LRRIQ3: variants seen among roughly 807,000 people sequenced by gnomAD.
LRRIQ3 encodes the protein leucine rich repeats and IQ motif containing 3.
Under a neutral mutation model 59.3 loss-of-function variants are expected in LRRIQ3, and 75 were observed. The observed-to-expected ratio is 1.26, with a 90% CI of 1.05 to 1.53. The LOEUF (loss-of-function observed/expected upper bound fraction) is 1.53, where lower values mean the gene tolerates loss of function less well. Among genes scored for constraint, LRRIQ3 ranks in the 40% most tolerant of loss-of-function variants. The pLI is 0.00. For synonymous variants in LRRIQ3, 250 were observed against 231.3 expected (o/e 1.08, Z -0.73); for missense variants, 831 against 710.0 (o/e 1.17, Z -1.94).
At chr1:74,100,161 T>A (rs1570111970) in intron 5 of LRRIQ3, among the ~76,000 whole-genome samples, 1 of 152,126 alleles carries the variant, frequency 6.6e-6, no homozygotes, top group Non-Finnish European at 1.5e-5. Context: ...GAAAACCCCA[T>A]CGTCTCAGCC....
rs1648208932 is a variant in LRRIQ3 at position 74,154,612 on chromosome 1, C to T, written c.707+1121G>A. On this transcript the variant is annotated intron_variant, in intron 4 of 7. Transcript: ENST00000354431. Reference sequence around the variant, plus strand: ...AGCGTCAGTGAGAACCTTCATTCTACCAGAGAAAAAAATCCCTGGGAAATA... The same window carrying T: ...AGCGTCAGTGAGAACCTTCATTCTATCAGAGAAAAAAATCCCTGGGAAATA... 2.6e-5 allele frequency among the ~76,000 whole-genome samples: 4 copies of T among 151,986 alleles called. No individual in the cohort carries two copies. In the South Asian group the frequency reaches 8.3e-4, roughly 31 times the overall value.
intron 6 of LRRIQ3, among the ~76,000 whole-genome samples, chr1:74,055,237 G>C (rs1654497191): frequency 6.7e-6 from 1 of 148,250 alleles, no homozygotes; most frequent in South Asian, 2.1e-4. Context: ...TAAAGGGTAT[G>C]ATTCAGTGTT....
At position 74,038,071 on chromosome 1, in the gene LRRIQ3, G is replaced by A. The variant is rs574284947; in HGVS notation, c.1718+3142C>T. 9.2e-5 allele frequency among the ~76,000 whole-genome samples: 14 copies of A among 152,306 alleles called. No individual in the cohort carries two copies. In the South Asian group the frequency reaches 1.9e-3, roughly 20 times the overall value. ...GCCTAACACATTAAGCTCCCAGGGC[G>A]GGTATGGGGCAGCAGCCATCTCTAT... On this transcript the variant is annotated intron_variant, in intron 7 of 7. Transcript: ENST00000354431.
intron 1 of LRRIQ3, among the ~76,000 whole-genome samples, chr1:74,188,351 A>T (rs2100736774): frequency 6.6e-6 from 1 of 152,286 alleles, no homozygotes; most frequent in South Asian, 2.1e-4. Flanking sequence ...AATCAATTGT[A>T]CAACAAATTA....
intron 4 of LRRIQ3, among the ~76,000 whole-genome samples, chr1:74,142,729 T>A (rs1647315047): frequency 6.6e-6 from 1 of 151,990 alleles, no homozygotes; most frequent in Non-Finnish European, 1.5e-5. Context: ...ACAGAGGCGA[T>A]CATGCTGTTA....
chr1:74,027,808 C>A (rs1653565345), intron 7 of LRRIQ3, among the ~76,000 whole-genome samples: 1 of 151,896 alleles, frequency 6.6e-6, no homozygotes, highest in Non-Finnish European at 1.5e-5. Context: ...GATGTAACTA[C>A]ATGAAGCTTA....
At position 74,122,132 on chromosome 1, in the gene LRRIQ3, A is replaced by C. The variant is rs183731916; in HGVS notation, c.708-12579T>G. ...GATGGCTGCGTCAAATGGTATTTCT[A>C]GTTCTAGATCCCTGAGGAATCGCCA... On this transcript the variant is annotated intron_variant, in intron 4 of 7. Transcript: ENST00000354431. Among the ~76,000 whole-genome samples, 5 of 152,186 alleles carry C rather than the reference A, an allele frequency of 3.3e-5. No homozygotes were observed. The East Asian group carries it at 9.7e-4, about 29-fold the overall frequency.
intron 1 of LRRIQ3, among the ~76,000 whole-genome samples, chr1:74,194,430 T>C (rs1302249251): frequency 1.3e-5 from 2 of 152,188 alleles, no homozygotes; most frequent in Non-Finnish European, 2.9e-5. Flanking sequence ...TCTATATGTT[T>C]TCAAATGACA....
chr1:74,152,187 A>G (rs1038171691), intron 4 of LRRIQ3, among the ~76,000 whole-genome samples: 7 of 152,054 alleles, frequency 4.6e-5, no homozygotes, highest in African/African-American at 1.4e-4. Context: ...AAATGAGAAA[A>G]AAATCAGTAT....
Position 74,026,979 on chromosome 1 carries a change from G to A in LRRIQ3, c.1719-10C>T, listed in dbSNP as rs1345787128. 3 of 1,483,380 alleles carry A rather than the reference G, an allele frequency of 2.0e-6. No individual in the cohort carries two copies. The highest frequency in any genetic ancestry group is 2.8e-6 in the Non-Finnish European group (3 of 1,087,822). The allele number at this position is 1,483,380 out of a possible 1,614,324, so 91.9% of individuals were successfully genotyped here. The stretch of plus-strand genomic sequence containing the variant: ...ATATATTTCTTGAGATCTAAGAGGA[G>A]AAAGAAAGGTAATAGAATGAGATAC... On this transcript the variant is annotated splice_polypyrimidine_tract_variant and intron_variant, in intron 7 of 7. Coordinates refer to ENST00000354431, the MANE Select transcript of LRRIQ3 (RefSeq NM_001105659.2).
intron 4 of LRRIQ3, among the ~76,000 whole-genome samples, chr1:74,114,151 C>T (rs1646744277): frequency 6.6e-6 from 1 of 151,806 alleles, no homozygotes; most frequent in Non-Finnish European, 1.5e-5. Flanking sequence ...CAAATGGTAG[C>T]TCAAATCCAC....
chr1:74,184,900 C>T (rs539928961), intron 1 of LRRIQ3, among the ~76,000 whole-genome samples: 5 of 152,242 alleles, frequency 3.3e-5, no homozygotes, highest in African/African-American at 1.2e-4. Context: ...ATCATTTGGA[C>T]TTCCAAAATA....
At chr1:74,030,657 C>A (rs1269718261) in intron 7 of LRRIQ3, among the ~76,000 whole-genome samples, 1 of 152,042 alleles carries the variant, frequency 6.6e-6, no homozygotes, top group Non-Finnish European at 1.5e-5. Flanking sequence ...CCATAAAAAC[C>A]CTAAAAGAAA....
chr1:74,157,619 TA>T (rs1260801224), intron 3 of LRRIQ3, among the ~76,000 whole-genome samples: 2 of 152,112 alleles, frequency 1.3e-5, no homozygotes, highest in African/African-American at 4.8e-5. Context: ...GGCACTTTTT[TA>T]GAGTTAACAT....
chr1:74,121,076 T>C (rs185735744), intron 4 of LRRIQ3, among the ~76,000 whole-genome samples: 1 of 152,170 alleles, frequency 6.6e-6, no homozygotes, highest in African/African-American at 2.4e-5. Flanking sequence ...ACTTTTCCTA[T>C]GTGCAGGAAT....
At chr1:74,147,616 A>C (rs1464229425) in intron 4 of LRRIQ3, among the ~76,000 whole-genome samples, 3 of 152,194 alleles carry the variant, frequency 2.0e-5, no homozygotes, top group African/African-American at 7.2e-5. Flanking sequence ...AAAGGCATGT[A>C]TTATTGATAA....
intron 5 of LRRIQ3, among the ~76,000 whole-genome samples, chr1:74,102,983 A>C (rs982792): frequency 6.6e-6 from 1 of 151,910 alleles, no homozygotes; most frequent in East Asian, 1.9e-4. Flanking sequence ...CTTGGACCTT[A>C]AAGGCTGAAC....
At chr1:74,133,881 CAT>C (rs1647073100) in intron 4 of LRRIQ3, among the ~76,000 whole-genome samples, 1 of 151,330 alleles carries the variant, frequency 6.6e-6, no homozygotes, top group African/African-American at 2.4e-5. Flanking sequence ...AGACAAAGCA[CAT>C]AATCCTACCA....
chr1:74,158,506 A>G (rs1557645429), intron 3 of LRRIQ3, among the ~76,000 whole-genome samples: 1 of 152,076 alleles, frequency 6.6e-6, no homozygotes, highest in Non-Finnish European at 1.5e-5. Flanking sequence ...TTTGTCTCAC[A>G]ATTTTAGTCT....
Sources: gnomAD v4.1 joint callset for allele counts (sites outside exome capture counted in the v4.1 genomes callset) on GRCh38, gnomAD v4.1.1 for gene constraint, MANE v1.5 for transcripts, NCBI Gene and HGNC (gene_info 2026-07-23, HGNC 2026-07-21) for gene names.